KHDRBS2: variants seen among roughly 807,000 people sequenced by gnomAD.
The protein encoded by KHDRBS2 is KH RNA binding domain containing, signal transduction associated 2.
Under a neutral mutation model 44.3 loss-of-function variants are expected in KHDRBS2, and 26 were observed. The observed-to-expected ratio is 0.59, with a 90% CI of 0.43 to 0.81. The LOEUF (loss-of-function observed/expected upper bound fraction) is 0.81, where lower values mean the gene tolerates loss of function less well. KHDRBS2 is among the 40% of genes least tolerant of loss of function. The pLI, the probability that KHDRBS2 is intolerant of heterozygous loss-of-function variation, is 0.00. For synonymous variants in KHDRBS2, 194 were observed against 151.1 expected, an observed-to-expected ratio of 1.28 and a Z score of -2.08; for missense variants, 476 against 433.1, an observed-to-expected ratio of 1.10 and a Z score of -0.88.
the KHDRBS2 span, among the ~76,000 whole-genome samples, chr6:61,570,888 C>A: frequency 6.6e-6 from 1 of 151,860 alleles, no homozygotes; most frequent in Non-Finnish European, 1.5e-5. Context: ...TCACCACTAC[C>A]AAAAGCATAC....
chr6:61,894,872 A>T, intron 5 of KHDRBS2, 39 bp from the exon 6 acceptor site: 1 of 1,477,402 alleles, frequency 6.8e-7, no homozygotes. Flanking sequence ...GAAACAGGTG[A>T]TGAGAGAAAA....
At chr6:62,021,050 T>A in intron 3 of KHDRBS2, among the ~76,000 whole-genome samples, 1 of 152,002 alleles carries the variant, frequency 6.6e-6, no homozygotes, top group East Asian at 1.9e-4. Flanking sequence ...TATGCACCCA[T>A]GGAAAAGAAT....
chr6:62,151,726 ACAC>A (rs1324953699), intron 2 of KHDRBS2, among the ~76,000 whole-genome samples: 2 of 152,192 alleles, frequency 1.3e-5, no homozygotes, highest in African/African-American at 4.8e-5. Context: ...ACACACACAC[ACAC>A]AACTTCAAGT....
intron 1 of KHDRBS2, among the ~76,000 whole-genome samples, chr6:62,179,786 C>A (rs1821885531): frequency 6.6e-6 from 1 of 151,802 alleles, no homozygotes; most frequent in African/African-American, 2.4e-5. Flanking sequence ...ACCTTTCCAT[C>A]AAGAAATGGA....
chr6:61,932,950 A>G (rs1263054663), intron 4 of KHDRBS2, among the ~76,000 whole-genome samples: 1 of 152,108 alleles, frequency 6.6e-6, no homozygotes, highest in Admixed American at 6.6e-5. Context: ...TTGTGTATAT[A>G]GATCACATTT....
chr6:61,588,581 G>T, the KHDRBS2 span, among the ~76,000 whole-genome samples: 2 of 152,124 alleles, frequency 1.3e-5, no homozygotes, highest in African/African-American at 4.8e-5. Flanking sequence ...CTGGGAGTTT[G>T]AGATCAACCT....
the KHDRBS2 span, among the ~76,000 whole-genome samples, chr6:61,545,513 G>GTA: frequency 6.6e-6 from 1 of 151,580 alleles, no homozygotes; most frequent in Non-Finnish European, 1.5e-5. Context: ...GTGTGTGTGT[G>GTA]TGTGTGTGTG....
At chr6:61,824,208 T>C (rs1172250823) in intron 6 of KHDRBS2, among the ~76,000 whole-genome samples, 3 of 152,056 alleles carry the variant, frequency 2.0e-5, no homozygotes, top group Non-Finnish European at 2.9e-5. Flanking sequence ...CCCACCCAAA[T>C]CTCATGTCAA....
At chr6:61,905,245 GA>G (rs146779168) in intron 4 of KHDRBS2, among the ~76,000 whole-genome samples, 199 of 152,252 alleles carry the variant, frequency 1.3e-3, no homozygotes, top group Admixed American at 3.2e-3. Flanking sequence ...CTGACACAGA[GA>G]AATTGTGGCA....
intron 5 of KHDRBS2, among the ~76,000 whole-genome samples, chr6:61,899,789 C>A (rs1290465153): frequency 7.2e-6 from 1 of 138,314 alleles, no homozygotes; most frequent in African/African-American, 2.6e-5. Context: ...CCTCTCTAGG[C>A]ATCCTAAATT....
chr6:61,976,912 T>C (rs1272014079), intron 4 of KHDRBS2, among the ~76,000 whole-genome samples: 5 of 152,164 alleles, frequency 3.3e-5, no homozygotes, highest in Non-Finnish European at 7.4e-5. Context: ...GTTAGGGAGA[T>C]GTTCAGATGA....
intron 1 of KHDRBS2, among the ~76,000 whole-genome samples, chr6:62,256,329 C>A (rs994351160): frequency 6.6e-6 from 1 of 151,974 alleles, no homozygotes; most frequent in Non-Finnish European, 1.5e-5. Flanking sequence ...GTGTCCCCAC[C>A]CAAATCTGAT....
At chr6:61,750,069 A>T (rs1323699446) in intron 6 of KHDRBS2, among the ~76,000 whole-genome samples, 1 of 152,196 alleles carries the variant, frequency 6.6e-6, no homozygotes, top group Non-Finnish European at 1.5e-5. Context: ...TGTGAAAAAG[A>T]GTAGAAGATA....
intron 1 of KHDRBS2, among the ~76,000 whole-genome samples, chr6:62,255,958 C>A (rs1375668717): frequency 1.3e-5 from 2 of 151,612 alleles, no homozygotes; most frequent in African/African-American, 4.8e-5. Context: ...ATGATGAAAC[C>A]CTGTCTTTAC....
At chr6:61,760,886 G>T (rs948460249) in intron 6 of KHDRBS2, among the ~76,000 whole-genome samples, 2 of 152,176 alleles carry the variant, frequency 1.3e-5, no homozygotes, top group South Asian at 2.1e-4. Flanking sequence ...ATGAAGAAAT[G>T]CTTGAACAGT....
chr6:61,881,602 A>G (rs1800219927), intron 6 of KHDRBS2, among the ~76,000 whole-genome samples: 1 of 151,970 alleles, frequency 6.6e-6, no homozygotes, highest in Non-Finnish European at 1.5e-5. Context: ...TGTGACCACA[A>G]GAGATTCTGG....
chr6:62,003,831 G>A (rs1205300893), intron 3 of KHDRBS2, among the ~76,000 whole-genome samples: 1 of 152,136 alleles, frequency 6.6e-6, no homozygotes, highest in African/African-American at 2.4e-5. Flanking sequence ...AGACCACAGT[G>A]CAATCAAATT....
intron 3 of KHDRBS2, among the ~76,000 whole-genome samples, chr6:62,045,825 T>C (rs2127304371): frequency 6.6e-6 from 1 of 151,984 alleles, no homozygotes; most frequent in East Asian, 1.9e-4. Context: ...AGGATTTATC[T>C]TTTATTTTAA....
At chr6:62,099,532 T>G (rs1801390024) in intron 2 of KHDRBS2, among the ~76,000 whole-genome samples, 1 of 152,190 alleles carries the variant, frequency 6.6e-6, no homozygotes, top group Non-Finnish European at 1.5e-5. Context: ...TACCTGTTGC[T>G]AGGAAAGGTC....
Sources: allele counts gnomAD v4.1 joint callset (sites outside exome capture counted in the v4.1 genomes callset), GRCh38; gene constraint gnomAD v4.1.1; transcripts MANE v1.5; gene names NCBI Gene and HGNC (gene_info 2026-07-23, HGNC 2026-07-21).